Variants in GRIN3A observed in about 807,000 individuals in gnomAD.
The protein encoded by GRIN3A is glutamate receptor ionotropic, NMDA 3A.
Under a neutral mutation model 92.4 loss-of-function variants are expected in GRIN3A, and 47 were observed. That is an observed-to-expected ratio of 0.51 (90% CI 0.40 to 0.65). The LOEUF is 0.65. Ranked by LOEUF, GRIN3A falls within the 30% of genes least tolerant of loss-of-function variation. The pLI is 0.00. For missense variants in GRIN3A, 1,324 were observed against 1,393.1 expected (o/e 0.95, Z 0.79); for synonymous variants, 527 against 540.6 (o/e 0.97, Z 0.35).
At chr9:101,641,278 A>G (rs1828858354) in intron 3 of GRIN3A, among the ~76,000 whole-genome samples, 1 of 152,178 alleles carries the variant, frequency 6.6e-6, no homozygotes, top group Non-Finnish European at 1.5e-5. Flanking sequence ...CAGCCATCCC[A>G]TTACTGGGTA....
chr9:101,697,713 G>C (rs1286580480), intron 1 of GRIN3A, among the ~76,000 whole-genome samples: 2 of 152,150 alleles, frequency 1.3e-5, no homozygotes, highest in African/African-American at 2.4e-5. Context: ...ATTTGGTTTG[G>C]AAGGGAACTT....
chr9:101,684,260 T>A (rs1383499160), intron 2 of GRIN3A, among the ~76,000 whole-genome samples: 1 of 146,558 alleles, frequency 6.8e-6, no homozygotes, highest in East Asian at 2.0e-4. Context: ...GGTGCCAGCA[T>A]GCTTAGCTAA....
At position 101,570,612 on chromosome 9, in the gene GRIN3A, T is replaced by C. The variant is rs1019539431; in HGVS notation, c.*2562A>G. The C allele has an allele frequency of 2.0e-5, 3 of 152,672 alleles. No individual in the cohort carries two copies. The highest frequency in any genetic ancestry group is 4.4e-5 in the Non-Finnish European group (3 of 68,052). The allele number at this position is 152,672 out of a possible 1,614,324, so 9.5% of individuals were successfully genotyped here. ...CCTGCTGTCAGCCCCTGCTGCTGCT[T>C]GCTGCATCCTGGCCAGTGTTTTGGC... On this transcript the variant is annotated 3_prime_UTR_variant, in exon 9 of 9. Transcript: ENST00000361820.
intron 1 of GRIN3A, among the ~76,000 whole-genome samples, chr9:101,733,678 C>T (rs1357020454): frequency 6.6e-6 from 1 of 152,098 alleles, no homozygotes; most frequent in African/African-American, 2.4e-5. Context: ...TAGCCAAATT[C>T]TAATAAATAG....
rs1422796361 is a variant in GRIN3A at position 101,573,522 on chromosome 9, C to T, written c.3009-9G>A. 1 of 1,607,726 alleles carries T rather than the reference C, an allele frequency of 6.2e-7. No individual in the cohort carries two copies. The highest frequency in any genetic ancestry group is 8.5e-7 in the Non-Finnish European group (1 of 1,174,402). ...GGGGTCCCACATTAGACCTAGGAAA[C>T]AGAGAAATTTTAGATTTACTTTCCA... is the stretch of plus-strand genomic sequence containing the variant. On this transcript the variant is annotated splice_polypyrimidine_tract_variant and intron_variant, in intron 8 of 8. Transcript: ENST00000361820.
chr9:101,689,087 C>T (rs1392191698), intron 1 of GRIN3A, among the ~76,000 whole-genome samples: 4 of 151,958 alleles, frequency 2.6e-5, no homozygotes, highest in Non-Finnish European at 5.9e-5. Context: ...TTTCTTTTGC[C>T]CTCCTCTTTT....
At chr9:101,591,214 C>A (rs910966414) in intron 6 of GRIN3A, among the ~76,000 whole-genome samples, 3 of 152,182 alleles carry the variant, frequency 2.0e-5, no homozygotes, top group Admixed American at 6.5e-5. Context: ...TCTCGTCTAA[C>A]ATATCTGTTT....
intron 1 of GRIN3A, 59 bp from the exon 2 acceptor site, chr9:101,687,259 A>C: frequency 1.3e-6 from 2 of 1,573,284 alleles, no homozygotes; most frequent in Non-Finnish European, 1.7e-6. Flanking sequence ...ACTTTAACAT[A>C]GGGTACTTTT....
intron 3 of GRIN3A, among the ~76,000 whole-genome samples, chr9:101,643,167 A>G (rs1828888069): frequency 6.6e-6 from 1 of 152,122 alleles, no homozygotes; most frequent in Non-Finnish European, 1.5e-5. Flanking sequence ...TATACAAAAT[A>G]TATTAGAAAC....
rs142403692 is a variant in GRIN3A, at chr9:101,594,777, G to A, written c.2767-15417C>T. ...CGCCGCACCAACGGGTTGTGGCGCA[G>A]CTCCGGCAGGGACATGAACTCCTCC... is the stretch of plus-strand genomic sequence containing the variant. On this transcript the variant is annotated intron_variant, in intron 6 of 8. Transcript: ENST00000361820. The A allele has an allele frequency of 1.3e-5, 21 of 1,613,732 alleles. 1 individual carries two copies. The South Asian group carries it at 2.2e-4, about 17-fold the overall frequency.
At chr9:101,607,896 C>A (rs1264865924) in intron 6 of GRIN3A, among the ~76,000 whole-genome samples, 2 of 152,204 alleles carry the variant, frequency 1.3e-5, no homozygotes, top group Non-Finnish European at 2.9e-5. Context: ...ATCCAGCAGG[C>A]AGAGGCTGTT....
At chr9:101,602,378 C>T (rs1242068457) in intron 6 of GRIN3A, among the ~76,000 whole-genome samples, 1 of 152,160 alleles carries the variant, frequency 6.6e-6, no homozygotes. Flanking sequence ...GCTTTCTCCG[C>T]TTTCTTCAAA....
At chr9:101,715,590 T>C (rs896305346) in intron 1 of GRIN3A, among the ~76,000 whole-genome samples, 2 of 152,204 alleles carry the variant, frequency 1.3e-5, no homozygotes, top group Non-Finnish European at 2.9e-5. Flanking sequence ...TTGATTTTTA[T>C]CATTAGAAAA....
intron 1 of GRIN3A, among the ~76,000 whole-genome samples, chr9:101,713,615 T>A (rs1168789504): frequency 6.6e-6 from 1 of 152,214 alleles, no homozygotes; most frequent in African/African-American, 2.4e-5. Context: ...TTAGGCAATG[T>A]GCTTGGTAAC....
chr9:101,654,103 A>G (rs111973504), intron 3 of GRIN3A, among the ~76,000 whole-genome samples: 49 of 151,686 alleles, frequency 3.2e-4, no homozygotes, highest in African/African-American at 1.2e-3. Flanking sequence ...CTATTTTTTC[A>G]TTCAATACAG....
chr9:101,584,518 C>T (rs1363685124), intron 6 of GRIN3A, among the ~76,000 whole-genome samples: 2 of 152,174 alleles, frequency 1.3e-5, no homozygotes, highest in East Asian at 3.8e-4. Flanking sequence ...GTCACATATC[C>T]ATGCATTGTG....
At chr9:101,590,797 A>G (rs1213799203) in intron 6 of GRIN3A, among the ~76,000 whole-genome samples, 5 of 152,196 alleles carry the variant, frequency 3.3e-5, no homozygotes, top group Admixed American at 6.5e-5. Flanking sequence ...AGTCAGTACT[A>G]TAAGTAGAGA....
intron 6 of GRIN3A, chr9:101,594,463 G>C: frequency 6.2e-7 from 1 of 1,614,112 alleles, no homozygotes; most frequent in Non-Finnish European, 8.5e-7. Context: ...CCACAGCACT[G>C]AATTCCTCAA....
chr9:101,681,240 T>C (rs193258437), intron 2 of GRIN3A, among the ~76,000 whole-genome samples: 1 of 152,344 alleles, frequency 6.6e-6, no homozygotes, highest in East Asian at 1.9e-4. Context: ...AAAGCAATTT[T>C]GAGAAATAAA....
Sources: allele counts gnomAD v4.1 joint callset (sites outside exome capture counted in the v4.1 genomes callset), GRCh38; gene constraint gnomAD v4.1.1; transcripts MANE v1.5; gene names NCBI Gene and HGNC (gene_info 2026-07-23, HGNC 2026-07-21).